SEC14L1: variants seen among roughly 807,000 people sequenced by gnomAD.
SEC14L1 encodes the protein SEC14 like lipid binding 1.
Under a neutral mutation model 85.3 loss-of-function variants are expected in SEC14L1, and 48 were observed. The ratio of observed to expected loss-of-function variants is 0.56; its 90% confidence interval spans 0.45 to 0.72. The LOEUF is 0.72. Ranked by LOEUF, SEC14L1 falls within the 30% of genes least tolerant of loss-of-function variation. The pLI, the probability that SEC14L1 is intolerant of heterozygous loss-of-function variation, is 0.00. For missense variants in SEC14L1, 682 were observed against 921.4 expected, an observed-to-expected ratio of 0.74 and a Z score of 3.36; for synonymous variants, 391 against 355.5, an observed-to-expected ratio of 1.10 and a Z score of -1.12.
intron 9 of SEC14L1, among the ~76,000 whole-genome samples, 188 bp downstream of exon 9, chr17:77,200,861 C>T (rs537505266): frequency 6.6e-6 from 1 of 152,352 alleles, no homozygotes; most frequent in East Asian, 1.9e-4. Flanking sequence ...ACACTCCCGT[C>T]CCGCCCCGGG....
At chr17:77,098,406 C>T (rs1384519820) in intron 3 of SEC14L1, among the ~76,000 whole-genome samples, 3 of 151,432 alleles carry the variant, frequency 2.0e-5, no homozygotes, top group Non-Finnish European at 2.9e-5. Context: ...GGCTGAGGTA[C>T]GAGAAATGCC....
At chr17:77,204,030 C>T (rs1238559545) in intron 10 of SEC14L1, among the ~76,000 whole-genome samples, 2 of 152,126 alleles carry the variant, frequency 1.3e-5, no homozygotes, top group Non-Finnish European at 2.9e-5. Context: ...TTTCTCCAGA[C>T]CCTCCTGAAT....
intron 3 of SEC14L1, among the ~76,000 whole-genome samples, chr17:77,128,293 C>A (rs1457184184): frequency 6.6e-6 from 1 of 152,162 alleles, no homozygotes; most frequent in Non-Finnish European, 1.5e-5. Context: ...CTCTTAGCAC[C>A]AGCACGGCGC....
chr17:77,198,731 G>A lies in SEC14L1; in HGVS notation c.820-1753G>A, dbSNP rs563362006. ...CTGGGACTCAGGCACCCGCCACCACGCCCAGATAATTTTTGTATTTTTAGT... is the reference window on the plus strand; with the variant it reads ...CTGGGACTCAGGCACCCGCCACCACACCCAGATAATTTTTGTATTTTTAGT... On this transcript the variant is annotated intron_variant, in intron 8 of 16. Transcript: ENST00000436233. Among the ~76,000 whole-genome samples the A allele has an allele frequency of 3.3e-5, 5 of 151,878 alleles. No homozygotes were observed. The South Asian group carries it at 8.3e-4, about 25-fold the overall frequency.
chr17:77,162,040 G>T (rs1471373640), intron 3 of SEC14L1, among the ~76,000 whole-genome samples: 3 of 151,830 alleles, frequency 2.0e-5, no homozygotes. Context: ...AATTCTGCAG[G>T]TCGTCTATGA....
In SEC14L1 at chr17:77,190,797, T is replaced by A. The variant is rs200828292; in HGVS notation, c.64-6T>A. The A allele has an allele frequency of 9.5e-5, 153 of 1,614,074 alleles. 1 individual carries two copies. In the African/African-American group the frequency reaches 1.7e-3, roughly 18 times the overall value. On this transcript the variant is annotated splice_region_variant and splice_polypyrimidine_tract_variant and intron_variant, in intron 3 of 16. Coordinates refer to ENST00000436233, the MANE Select transcript of SEC14L1 (RefSeq NM_001143998.2). ...ACTTCTGCTTTCTTGGTTTTTAAAT[T>A]TATAGGCCTATGAAAGGAGGTTCCC...
At chr17:77,144,124 C>T (rs1387973621) in intron 3 of SEC14L1, among the ~76,000 whole-genome samples, 1 of 152,056 alleles carries the variant, frequency 6.6e-6, no homozygotes, top group East Asian at 1.9e-4. Flanking sequence ...TGAGTTTTTC[C>T]GTTATTTACC....
At chr17:77,159,895 C>T (rs1369652894) in intron 3 of SEC14L1, among the ~76,000 whole-genome samples, 4 of 152,168 alleles carry the variant, frequency 2.6e-5, no homozygotes, top group Non-Finnish European at 5.9e-5. Context: ...GGGTGAACTC[C>T]TGTGCTAAGG....
intron 3 of SEC14L1, among the ~76,000 whole-genome samples, chr17:77,187,490 ACCT>A (rs1433311596): frequency 6.6e-6 from 1 of 150,982 alleles, no homozygotes. Context: ...TGATTTTCCC[ACCT>A]CAGCCTCCCA....
chr17:77,110,877 C>CAAAAA (rs1212651345), intron 3 of SEC14L1, among the ~76,000 whole-genome samples: 2 of 46,660 alleles, frequency 4.3e-5, no homozygotes, highest in Non-Finnish European at 7.7e-5. Flanking sequence ...GACTCTGTCT[C>CAAAAA]AAAAAAAAAA....
chr17:77,127,451 G>A (rs946363875), intron 3 of SEC14L1, among the ~76,000 whole-genome samples: 1 of 152,156 alleles, frequency 6.6e-6, no homozygotes, highest in Non-Finnish European at 1.5e-5. Flanking sequence ...TTGGGTTCAA[G>A]CAATTCTCCT....
At chr17:77,157,607 A>C (rs1973867643) in intron 3 of SEC14L1, among the ~76,000 whole-genome samples, 2 of 150,764 alleles carry the variant, frequency 1.3e-5, no homozygotes, top group Non-Finnish European at 2.9e-5. Flanking sequence ...GGCTCACTGC[A>C]GCCTCCACCT....
At chr17:77,148,130 C>G (rs188709072) in intron 3 of SEC14L1, among the ~76,000 whole-genome samples, 1 of 152,292 alleles carries the variant, frequency 6.6e-6, no homozygotes, top group East Asian at 1.9e-4. Flanking sequence ...GCATCTCCCC[C>G]TCCCCCTGCA....
At chr17:77,171,200 A>G (rs1974508401) in intron 3 of SEC14L1, among the ~76,000 whole-genome samples, 1 of 152,214 alleles carries the variant, frequency 6.6e-6, no homozygotes. Flanking sequence ...CGAGAGCGGC[A>G]TCACACATAG....
Position 77,213,784 on chromosome 17 carries a change from C to G in SEC14L1, c.2043-134C>G, listed in dbSNP as rs1225917286. 13 of 1,187,830 alleles carry G rather than the reference C, an allele frequency of 1.1e-5. No homozygotes were observed. The highest frequency in any genetic ancestry group is 1.5e-5 in the African/African-American group (1 of 66,688). The allele number at this position is 1,187,830 out of a possible 1,614,324, so 73.6% of individuals were successfully genotyped here. A position where few individuals can be genotyped will look rare whatever the true frequency, so the allele number is the denominator to read the frequency against. On this transcript the variant is annotated intron_variant, in intron 16 of 16. Transcript: ENST00000436233. The surrounding 1 kb of genome is among the most constrained non-coding windows in gnomAD (Gnocchi z 7.1). ...CCTGGTGGGTTACTCATGTCCATCC[C>G]CCGTTTGCAAGCACTGATGGGGATG...
chr17:77,187,213 A>G (rs1975303791), intron 3 of SEC14L1, among the ~76,000 whole-genome samples: 1 of 152,156 alleles, frequency 6.6e-6, no homozygotes, highest in African/African-American at 2.4e-5. Context: ...TGGAGAAGGG[A>G]TGCTCAACCC....
At chr17:77,104,718 G>A (rs143829479) in intron 3 of SEC14L1, among the ~76,000 whole-genome samples, 2 of 150,628 alleles carry the variant, frequency 1.3e-5, no homozygotes, top group South Asian at 2.1e-4. Flanking sequence ...TTGAACCCAG[G>A]GGGTGGAGGT....
rs937014338 is a variant in SEC14L1, at chr17:77,162,789, C to T, written c.63+19130C>T. 6.7e-5 allele frequency among the ~76,000 whole-genome samples: 10 copies of T among 150,236 alleles called. No individual in the cohort carries two copies. The East Asian group carries it at 1.8e-3, about 27-fold the overall frequency. Reference sequence around the variant, plus strand: ...AGGTGTCGGTGAGCCGAGATGGTACCATTGCACTCCAGCCAGGGCAACAAG... The same window carrying T: ...AGGTGTCGGTGAGCCGAGATGGTACTATTGCACTCCAGCCAGGGCAACAAG... On this transcript the variant is annotated intron_variant, in intron 3 of 16. Coordinates refer to ENST00000436233, the MANE Select transcript of SEC14L1 (RefSeq NM_001143998.2).
chr17:77,151,810 C>T (rs1026419816), intron 3 of SEC14L1, among the ~76,000 whole-genome samples: 2 of 152,158 alleles, frequency 1.3e-5, no homozygotes, highest in South Asian at 2.1e-4. Context: ...TGAGACCAGC[C>T]TGGGCAACGT....
Sources: gnomAD v4.1 joint callset for allele counts (sites outside exome capture counted in the v4.1 genomes callset) on GRCh38, gnomAD v4.1.1 for gene constraint, Gnocchi (gnomAD v3.1) non-coding constraint, MANE v1.5 for transcripts, NCBI Gene and HGNC (gene_info 2026-07-23, HGNC 2026-07-21) for gene names.